Variants in TMEM132D observed in about 807,000 individuals in gnomAD.
The protein encoded by TMEM132D is transmembrane protein 132D, also known as mature OL transmembrane protein.
TMEM132D carries 21 observed loss-of-function variants against 62.3 expected under a neutral mutation model. The ratio of observed to expected loss-of-function variants is 0.34; its 90% confidence interval spans 0.24 to 0.49. The LOEUF is 0.49. TMEM132D is among the 20% of genes least tolerant of loss of function. The pLI, the probability that TMEM132D is intolerant of heterozygous loss-of-function variation, is 0.99. For missense variants in TMEM132D, 1,346 were observed against 1,402.8 expected, an observed-to-expected ratio of 0.96 and a Z score of 0.65; for synonymous variants, 621 against 575.6, an observed-to-expected ratio of 1.08 and a Z score of -1.13.
chr12:129,276,179 C>T (rs79136972), intron 4 of TMEM132D, among the ~76,000 whole-genome samples: 1 of 152,316 alleles, frequency 6.6e-6, no homozygotes, highest in East Asian at 1.9e-4. Flanking sequence ...GATTTGCCCA[C>T]TCGGGGAAAA....
intron 8 of TMEM132D, among the ~76,000 whole-genome samples, chr12:129,077,352 T>A (rs1565955691): frequency 6.6e-6 from 1 of 152,318 alleles, no homozygotes; most frequent in East Asian, 1.9e-4. Context: ...CACATGAGGA[T>A]GATCCCTTTT....
At chr12:129,841,033 T>G (rs1488600013) in intron 1 of TMEM132D, among the ~76,000 whole-genome samples, 1 of 152,214 alleles carries the variant, frequency 6.6e-6, no homozygotes, top group African/African-American at 2.4e-5. Flanking sequence ...AGATTAAGTG[T>G]ATTCAACTTT....
chr12:129,172,065 C>A (rs1166165285), intron 5 of TMEM132D, among the ~76,000 whole-genome samples: 1 of 152,210 alleles, frequency 6.6e-6, no homozygotes, highest in Non-Finnish European at 1.5e-5. Flanking sequence ...TTAGTGTAGC[C>A]TCCTTCCCCA....
intron 2 of TMEM132D, among the ~76,000 whole-genome samples, chr12:129,632,774 T>C (rs1238369421): frequency 2.6e-5 from 4 of 152,250 alleles, no homozygotes; most frequent in African/African-American, 7.2e-5. Context: ...ACAGCCAACC[T>C]GTCTCCTGCA....
intron 4 of TMEM132D, among the ~76,000 whole-genome samples, chr12:129,287,019 G>T (rs980880268): frequency 2.6e-5 from 4 of 151,266 alleles, no homozygotes; most frequent in African/African-American, 2.4e-5. Context: ...CTGTACTCCA[G>T]CCTGGGCAAC....
intron 1 of TMEM132D, among the ~76,000 whole-genome samples, chr12:129,890,082 T>C (rs901640119): frequency 6.6e-6 from 1 of 152,154 alleles, no homozygotes; most frequent in African/African-American, 2.4e-5. Flanking sequence ...GTATGATGAG[T>C]ATGAAGATTG....
At chr12:129,582,687 C>T (rs996203325) in intron 2 of TMEM132D, among the ~76,000 whole-genome samples, 29 of 149,540 alleles carry the variant, frequency 1.9e-4, no homozygotes, top group Non-Finnish European at 3.6e-4. Context: ...GGTGTGATCT[C>T]GGCTCACTGC....
intron 3 of TMEM132D, among the ~76,000 whole-genome samples, chr12:129,432,722 G>T (rs1265067049): frequency 2.6e-5 from 4 of 152,200 alleles, no homozygotes; most frequent in Non-Finnish European, 4.4e-5. Context: ...CCAGGTAAAA[G>T]AAATGTGTGT....
intron 8 of TMEM132D, among the ~76,000 whole-genome samples, chr12:129,077,251 G>A (rs1428532281): frequency 6.6e-6 from 1 of 152,152 alleles, no homozygotes; most frequent in Non-Finnish European, 1.5e-5. Context: ...ACCTCACCCT[G>A]CCGAGGAAGA....
intron 3 of TMEM132D, among the ~76,000 whole-genome samples, chr12:129,425,219 G>A (rs35743939): frequency 1.2e-4 from 18 of 152,026 alleles, no homozygotes; most frequent in Admixed American, 9.8e-4. Flanking sequence ...ACGTTCATGC[G>A]CAGGTTTTTA....
At chr12:129,425,023 G>T (rs112268509) in intron 3 of TMEM132D, among the ~76,000 whole-genome samples, 1 of 152,052 alleles carries the variant, frequency 6.6e-6, no homozygotes, top group Non-Finnish European at 1.5e-5. Flanking sequence ...CTGGACATGC[G>T]GTCTCTGGTG....
chr12:129,771,205 C>T (rs1382877427), intron 1 of TMEM132D, among the ~76,000 whole-genome samples: 3 of 152,204 alleles, frequency 2.0e-5, no homozygotes, highest in Non-Finnish European at 4.4e-5. Context: ...GTACTTCTTG[C>T]CTTTGCACGT....
chr12:129,314,411 G>A (rs1361824526), intron 4 of TMEM132D, among the ~76,000 whole-genome samples: 1 of 152,180 alleles, frequency 6.6e-6, no homozygotes, highest in East Asian at 1.9e-4. Context: ...CTTTGTTGAA[G>A]ATCAGTTGGC....
At chr12:129,150,961 C>A (rs967176703) in intron 5 of TMEM132D, among the ~76,000 whole-genome samples, 8 of 152,184 alleles carry the variant, frequency 5.3e-5, no homozygotes, top group Non-Finnish European at 1.0e-4. Context: ...CCAGGCCTGC[C>A]CTGTTCCCCT....
intron 3 of TMEM132D, among the ~76,000 whole-genome samples, chr12:129,386,805 CACGAACACCA>C (rs1871117635): frequency 6.6e-6 from 1 of 150,932 alleles, no homozygotes; most frequent in African/African-American, 2.4e-5. Context: ...CCAATACTAA[CACGAACACCA>C]ATGCCGATGC....
At chr12:129,462,795 A>T (rs1873723446) in intron 3 of TMEM132D, among the ~76,000 whole-genome samples, 1 of 152,208 alleles carries the variant, frequency 6.6e-6, no homozygotes, top group Non-Finnish European at 1.5e-5. Context: ...AGACTTTGAG[A>T]ATGGGAGGTT....
At chr12:129,346,068 T>C (rs1869677755) in intron 3 of TMEM132D, among the ~76,000 whole-genome samples, 1 of 152,140 alleles carries the variant, frequency 6.6e-6, no homozygotes, top group Non-Finnish European at 1.5e-5. Context: ...CATCTGGTCC[T>C]GGGCTTTTTT....
intron 3 of TMEM132D, among the ~76,000 whole-genome samples, chr12:129,433,973 A>G (rs1335455238): frequency 1.3e-5 from 2 of 152,210 alleles, no homozygotes; most frequent in Non-Finnish European, 2.9e-5. Flanking sequence ...GCACTGTTAA[A>G]TTTGTGACTT....
chr12:129,390,883 C>T (rs1305716716), intron 3 of TMEM132D, among the ~76,000 whole-genome samples: 2 of 152,212 alleles, frequency 1.3e-5, no homozygotes, highest in Admixed American at 6.5e-5. Flanking sequence ...GGCTTCATAA[C>T]TTTCATTATC....
Sources: allele counts gnomAD v4.1 joint callset (sites outside exome capture counted in the v4.1 genomes callset), GRCh38; gene constraint gnomAD v4.1.1; transcripts MANE v1.5; gene names NCBI Gene and HGNC (gene_info 2026-07-23, HGNC 2026-07-21).